POU2F3: variants seen among roughly 807,000 people sequenced by gnomAD.
POU2F3 encodes POU domain, class 2, transcription factor 3.
POU2F3 carries 23 observed loss-of-function variants against 59.2 expected under a neutral mutation model. That is an observed-to-expected ratio of 0.39 (90% CI 0.28 to 0.55). The LOEUF (loss-of-function observed/expected upper bound fraction) is 0.55, where lower values mean the gene tolerates loss of function less well. Among genes scored for constraint, POU2F3 ranks in the 20% least tolerant of loss-of-function variants. The probability of loss-of-function intolerance (pLI) is 0.66; values close to 1 mark genes in which losing one functional copy is unlikely to be tolerated. For missense variants in POU2F3, 473 were observed against 544.5 expected (o/e 0.87, Z 1.31); for synonymous variants, 190 against 214.6 (o/e 0.89, Z 1.00).
At chr11:120,251,876 C>G (rs1442410539) in intron 2 of POU2F3, among the ~76,000 whole-genome samples, 1 of 147,652 alleles carries the variant, frequency 6.8e-6, no homozygotes, top group Admixed American at 6.8e-5. Flanking sequence ...CTCACTGCAA[C>G]CTCTGCCTCC....
At chr11:120,260,563 G>A (rs967015209) in intron 2 of POU2F3, among the ~76,000 whole-genome samples, 1 of 152,220 alleles carries the variant, frequency 6.6e-6, no homozygotes, top group East Asian at 1.9e-4. Context: ...CAGAATTTTA[G>A]TGTGCCTTTT....
intron 10 of POU2F3, among the ~76,000 whole-genome samples, chr11:120,311,829 GGCCAT>G (rs754844449): frequency 8.5e-5 from 13 of 152,170 alleles, no homozygotes; most frequent in Non-Finnish European, 1.5e-4. Flanking sequence ...AAAGAGCAAA[GGCCAT>G]GCCACCAGCT....
chr11:120,281,335 G>A (rs1940561352), intron 3 of POU2F3, among the ~76,000 whole-genome samples: 1 of 151,860 alleles, frequency 6.6e-6, no homozygotes. Context: ...TAACAAAGAA[G>A]ATAACTGAGG....
chr11:120,247,433 G>A (rs1224470101), intron 2 of POU2F3, among the ~76,000 whole-genome samples: 1 of 152,182 alleles, frequency 6.6e-6, no homozygotes, highest in Non-Finnish European at 1.5e-5. Flanking sequence ...GGGTCTTGGC[G>A]GGGAGGGCAT....
At chr11:120,261,286 T>C (rs1177534421) in intron 2 of POU2F3, 2 of 151,848 alleles carry the variant, frequency 1.3e-5, no homozygotes. Context: ...TGCAATCACT[T>C]ACCCTTGTTC....
At chr11:120,302,193 G>T in intron 5 of POU2F3, 93 bp from the exon 6 acceptor site, 2 of 1,084,530 alleles carry the variant, frequency 1.8e-6, no homozygotes. Context: ...CAGGGGGTGG[G>T]GACAGTGATC....
chr11:120,260,250 A>G (rs1939536974), intron 2 of POU2F3, among the ~76,000 whole-genome samples: 1 of 152,256 alleles, frequency 6.6e-6, no homozygotes, highest in East Asian at 1.9e-4. Flanking sequence ...AGGGCTGCCA[A>G]AGCTATGCAA....
chr11:120,237,301 AGGGAGT>A (rs1938527283), upstream of POU2F3, among the ~76,000 whole-genome samples: 3 of 152,268 alleles, frequency 2.0e-5, no homozygotes, highest in South Asian at 6.2e-4. Flanking sequence ...AATGAATGTG[AGGGAGT>A]ATCTGCTATC....
chr11:120,245,667 G>A (rs950689541), intron 1 of POU2F3, among the ~76,000 whole-genome samples: 4 of 152,194 alleles, frequency 2.6e-5, no homozygotes, highest in Admixed American at 6.5e-5. Flanking sequence ...GCAGCTGTCT[G>A]TTAAGGGTAA....
intron 2 of POU2F3, chr11:120,256,892 T>A (rs893871162): frequency 2.6e-5 from 4 of 152,214 alleles, no homozygotes; most frequent in Non-Finnish European, 4.4e-5. Context: ...ATGGACAGCC[T>A]TTGCTGGTAG....
intron 3 of POU2F3, among the ~76,000 whole-genome samples, chr11:120,290,162 A>G (rs952110429): frequency 6.6e-6 from 1 of 152,216 alleles, no homozygotes; most frequent in African/African-American, 2.4e-5. Flanking sequence ...CTCAGTCTTC[A>G]TGGAAGACTA....
chr11:120,261,427 C>A (rs1939600217), intron 2 of POU2F3: 1 of 152,222 alleles, frequency 6.6e-6, no homozygotes, highest in Admixed American at 6.5e-5. Context: ...ATGCCCTCTC[C>A]TACTTTCTTG....
chr11:120,257,255 C>T lies in POU2F3; in HGVS notation c.97+10738C>T, dbSNP rs562760654. Reference sequence around the variant, plus strand: ...GGGGATGATTTTCCCAAGGTCACAGCGGGAGTTCAAGACCCACGTTTCCTT... The same window carrying T: ...GGGGATGATTTTCCCAAGGTCACAGTGGGAGTTCAAGACCCACGTTTCCTT... On this transcript the variant is annotated intron_variant, in intron 2 of 12. Coordinates refer to ENST00000543440, the MANE Select transcript of POU2F3 (RefSeq NM_014352.4). Among the ~76,000 whole-genome samples the T allele has an allele frequency of 2.8e-4, 42 of 152,260 alleles. 1 individual carries two copies. The South Asian group carries it at 8.5e-3, about 31-fold the overall frequency.
chr11:120,272,497 C>G (rs1940120088), intron 3 of POU2F3, among the ~76,000 whole-genome samples: 1 of 152,042 alleles, frequency 6.6e-6, no homozygotes, highest in South Asian at 2.1e-4. Flanking sequence ...GTAGGAGCAG[C>G]CTCTGCATCT....
intron 1 of POU2F3, among the ~76,000 whole-genome samples, chr11:120,243,337 G>A (rs1044089797): frequency 1.3e-5 from 2 of 152,146 alleles, no homozygotes; most frequent in African/African-American, 4.8e-5. Flanking sequence ...GGTCCCAGGA[G>A]GTCCAGGACC....
At chr11:120,309,372 C>T in intron 9 of POU2F3, 53 bp from the exon 10 acceptor site, 1 of 1,524,378 alleles carries the variant, frequency 6.6e-7, no homozygotes, top group African/African-American at 1.4e-5. Flanking sequence ...ACCTCTGTTC[C>T]CTGCCCCTGA....
At chr11:120,252,882 C>T (rs1181613667) in intron 2 of POU2F3, among the ~76,000 whole-genome samples, 1 of 152,136 alleles carries the variant, frequency 6.6e-6, no homozygotes, top group African/African-American at 2.4e-5. Context: ...TTGGAGATCT[C>T]CTTAAGGAAA....
At position 120,305,798 on chromosome 11, in the gene POU2F3, A is replaced by G; in HGVS notation, c.769+13A>G. 2 of 1,612,798 alleles carry G rather than the reference A, an allele frequency of 1.2e-6. No homozygotes were observed. Among genetic ancestry groups the G allele is most frequent in the Non-Finnish European group, 1.7e-6 (2 of 1,179,852 alleles). ...CTGAATGATGCAGGTAGGCCTCGCA[A>G]ACACGGATGCCAGGGGCCCTAGAGG... is the stretch of plus-strand genomic sequence containing the variant. On this transcript the variant is annotated intron_variant, in intron 8 of 12. Coordinates refer to ENST00000543440, the MANE Select transcript of POU2F3 (RefSeq NM_014352.4).
At chr11:120,281,603 C>G (rs1175403038) in intron 3 of POU2F3, among the ~76,000 whole-genome samples, 1 of 152,066 alleles carries the variant, frequency 6.6e-6, no homozygotes, top group East Asian at 1.9e-4. Context: ...CTGAAGATAA[C>G]TTAGTTCACA....
Sources: allele counts gnomAD v4.1 joint callset (sites outside exome capture counted in the v4.1 genomes callset), GRCh38; gene constraint gnomAD v4.1.1; transcripts MANE v1.5; gene names NCBI Gene and HGNC (gene_info 2026-07-23, HGNC 2026-07-21).